The following LEPR variants were observed in gnomAD, a reference collection of about 807,000 sequenced individuals.
LEPR encodes leptin receptor, also known as OB receptor.
A neutral mutation model predicts 114.7 loss-of-function variants in LEPR; 56 were observed. The observed-to-expected ratio is 0.49, with a 90% CI of 0.39 to 0.61. The LOEUF (loss-of-function observed/expected upper bound fraction) is 0.61, where lower values mean the gene tolerates loss of function less well. LEPR is among the 20% of genes least tolerant of loss of function. LEPR has a pLI of 0.00. For synonymous variants in LEPR, 443 were observed against 461.4 expected (o/e 0.96, Z 0.51); for missense variants, 1,202 against 1,352.9 (o/e 0.89, Z 1.75).
intron 2 of LEPR, among the ~76,000 whole-genome samples, chr1:65,548,769 C>G (rs1278082648): frequency 6.6e-6 from 1 of 151,678 alleles, no homozygotes; most frequent in Admixed American, 6.6e-5. Context: ...TCCAATTTTC[C>G]AGTCTGTGTC....
At chr1:65,634,597 T>C (rs760816499) in intron 19 of LEPR, 33 of 954,452 alleles carry the variant, frequency 3.5e-5, no homozygotes, top group Non-Finnish European at 4.1e-5. Flanking sequence ...TGGAAGGCAT[T>C]TACAGTATTT....
intron 19 of LEPR, among the ~76,000 whole-genome samples, chr1:65,635,838 T>G (rs1658700190): frequency 6.6e-6 from 1 of 152,156 alleles, no homozygotes; most frequent in Admixed American, 6.5e-5. Context: ...TAACCAATCT[T>G]TCCTGAGAGC....
At chr1:65,447,219 T>C (rs1382878103) in intron 2 of LEPR, among the ~76,000 whole-genome samples, 1 of 152,196 alleles carries the variant, frequency 6.6e-6, no homozygotes, top group African/African-American at 2.4e-5. Flanking sequence ...GTTTTATAGT[T>C]TAAAATTTTA....
At chr1:65,445,334 T>G (rs1030689237) in intron 2 of LEPR, among the ~76,000 whole-genome samples, 1 of 152,158 alleles carries the variant, frequency 6.6e-6, no homozygotes, top group African/African-American at 2.4e-5. Context: ...TTAAGGTAGG[T>G]TTGTTAGTTT....
chr1:65,426,830 C>G (rs1200494423), intron 2 of LEPR, among the ~76,000 whole-genome samples: 1 of 152,086 alleles, frequency 6.6e-6, no homozygotes, highest in African/African-American at 2.4e-5. Flanking sequence ...AACCCCATCT[C>G]TACTAAAAAT....
chr1:65,638,387 G>T lies in LEPR; in HGVS notation c.*1372G>T, dbSNP rs1261203986. 1 of 152,044 alleles carries T rather than the reference G, an allele frequency of 6.6e-6. No individual in the cohort carries two copies. The highest frequency in any genetic ancestry group is 1.9e-4 in the East Asian group (1 of 5,200). The allele number at this position is 152,044 out of a possible 1,614,324, so 9.4% of individuals were successfully genotyped here. On this transcript the variant is annotated 3_prime_UTR_variant, in exon 20 of 20. Coordinates refer to ENST00000349533, the MANE Select transcript of LEPR (RefSeq NM_002303.6). ...AAAAAATTCAAAGACAGCATATTGG[G>T]CAACAAACTAAATTAAGAAACCTGC...
At chr1:65,571,566 A>G (rs1390305644) in intron 4 of LEPR, among the ~76,000 whole-genome samples, 1 of 151,414 alleles carries the variant, frequency 6.6e-6, no homozygotes, top group Non-Finnish European at 1.5e-5. Context: ...CCTCCCTTAA[A>G]AGCGTGATGA....
At chr1:65,488,849 A>G (rs555760871) in intron 2 of LEPR, among the ~76,000 whole-genome samples, 1 of 152,106 alleles carries the variant, frequency 6.6e-6, no homozygotes, top group South Asian at 2.1e-4. Flanking sequence ...TAGCTCCCAC[A>G]TGTGAGTGAG....
chr1:65,488,222 C>CTTTCTTTCTTTCTT lies in LEPR; in HGVS notation c.-21+62845_-21+62846insTTCTTTCTTTCTTT, dbSNP rs1284234824. 3.4e-3 allele frequency among the ~76,000 whole-genome samples: 241 copies of CTTTCTTTCTTTCTT among 70,602 alleles called. 3 individuals carry two copies. Among genetic ancestry groups the CTTTCTTTCTTTCTT allele is most frequent in the Middle Eastern group, 9.3e-3 (1 of 108 alleles). The allele number at this position is 70,602 out of a possible 152,430, so 46.3% of individuals were successfully genotyped here. ...TTTCTTTCTTTCTTTCTCTCTCTCTCTCTCTCTTTCTTTCTTTCTTTCTTT... is the reference window on the plus strand; with the variant it reads ...TTTCTTTCTTTCTTTCTCTCTCTCTCTTTCTTTCTTTCTTTCTCTCTTTCTTTCTTTCTTTCTTT... On this transcript the variant is annotated intron_variant, in intron 2 of 19. Transcript: ENST00000349533.
At chr1:65,435,568 C>T (rs1646550954) in intron 2 of LEPR, 2 of 494,228 alleles carry the variant, frequency 4.0e-6, no homozygotes, top group Non-Finnish European at 5.2e-6. Context: ...CGGGTTTCAT[C>T]GTGTTAGCCA....
intron 8 of LEPR, among the ~76,000 whole-genome samples, chr1:65,600,023 TA>T (rs1656338924): frequency 6.6e-6 from 1 of 152,152 alleles, no homozygotes; most frequent in African/African-American, 2.4e-5. Context: ...AGTTAAGCCT[TA>T]CTATATGTAT....
Position 65,621,574 on chromosome 1 carries a change from G to A in LEPR, c.2597+116G>A, listed in dbSNP as rs1570840877. On this transcript the variant is annotated intron_variant, in intron 18 of 19. Transcript: ENST00000349533. Reference sequence around the variant, plus strand: ...AGTCTTCTAAGTGCTTTTATATGTAGTCTGTATACAATTAAGATAGCATAA... The same window carrying A: ...AGTCTTCTAAGTGCTTTTATATGTAATCTGTATACAATTAAGATAGCATAA... The A allele has an allele frequency of 3.2e-5, 27 of 833,088 alleles. 1 individual carries two copies. In the Middle Eastern group the frequency reaches 6.9e-4, roughly 21 times the overall value. The allele number at this position is 833,088 out of a possible 1,614,324, so 51.6% of individuals were successfully genotyped here. A position where few individuals can be genotyped will look rare whatever the true frequency, so the allele number is the denominator to read the frequency against.
chr1:65,432,277 C>G (rs1243936921), intron 2 of LEPR: 2 of 997,004 alleles, frequency 2.0e-6, no homozygotes, highest in African/African-American at 1.7e-5. Flanking sequence ...TGAAGCAGGC[C>G]TCTCATGACC....
chr1:65,528,949 C>T (rs1476040239), intron 2 of LEPR, among the ~76,000 whole-genome samples: 12 of 149,228 alleles, frequency 8.0e-5, no homozygotes, highest in Admixed American at 2.7e-4. Context: ...GGATTACAGG[C>T]GTGTGCCTCC....
chr1:65,613,491 C>T (rs988009396), intron 14 of LEPR, among the ~76,000 whole-genome samples: 2 of 97,358 alleles, frequency 2.1e-5, no homozygotes, highest in Admixed American at 1.1e-4. Flanking sequence ...CGGTGGCTCA[C>T]GCCTGTAATC....
chr1:65,597,183 A>G (rs1182377669), intron 7 of LEPR, among the ~76,000 whole-genome samples: 1 of 151,962 alleles, frequency 6.6e-6, no homozygotes, highest in Non-Finnish European at 1.5e-5. Context: ...GTAATTTTCT[A>G]TCTACTCCCT....
intron 1 of LEPR, 118 bp downstream of exon 1, chr1:65,420,858 C>A: frequency 1.6e-6 from 2 of 1,278,184 alleles, no homozygotes; most frequent in Non-Finnish European, 1.1e-6. Context: ...CCCTTCCCGC[C>A]TCTCCGGTTC....
chr1:65,628,830 A>T (rs950800096), intron 19 of LEPR, among the ~76,000 whole-genome samples: 1 of 152,172 alleles, frequency 6.6e-6, no homozygotes, highest in Non-Finnish European at 1.5e-5. Context: ...GAAAAAATAT[A>T]TGTGAATGAC....
At chr1:65,594,124 G>A (rs1403074796) in intron 6 of LEPR, among the ~76,000 whole-genome samples, 1 of 151,966 alleles carries the variant, frequency 6.6e-6, no homozygotes, top group East Asian at 1.9e-4. Flanking sequence ...GGAGTGTCAG[G>A]GACTATTATT....
Sources: gnomAD v4.1 joint callset for allele counts (sites outside exome capture counted in the v4.1 genomes callset) on GRCh38, gnomAD v4.1.1 for gene constraint, MANE v1.5 for transcripts, NCBI Gene and HGNC (gene_info 2026-07-23, HGNC 2026-07-21) for gene names.